CACNA2D1: variants seen among roughly 807,000 people sequenced by gnomAD.
CACNA2D1 encodes calcium voltage-gated channel auxiliary subunit alpha2delta 1.
CACNA2D1 carries 53 observed loss-of-function variants against 171.5 expected under a neutral mutation model. The ratio of observed to expected loss-of-function variants is 0.31; its 90% CI spans 0.25 to 0.39. The LOEUF (loss-of-function observed/expected upper bound fraction) is 0.39. Ranked by LOEUF, CACNA2D1 falls within the 10% of genes least tolerant of loss-of-function variation. CACNA2D1 has a pLI of 1.00. For missense variants in CACNA2D1, 903 were observed against 1,299.8 expected (o/e 0.69, Z 4.69); for synonymous variants, 442 against 443.1 (o/e 1.00, Z 0.03).
intron 34 of CACNA2D1, among the ~76,000 whole-genome samples, 178 bp from the exon 35 acceptor site, chr7:81,962,673 AG>A (rs1394211061): frequency 6.6e-6 from 1 of 151,974 alleles, no homozygotes; most frequent in Non-Finnish European, 1.5e-5. Flanking sequence ...AATGTGTAAA[AG>A]AAGTCATGAA....
intron 3 of CACNA2D1, among the ~76,000 whole-genome samples, chr7:82,276,969 A>C (rs1161196620): frequency 6.6e-6 from 1 of 151,770 alleles, no homozygotes; most frequent in Non-Finnish European, 1.5e-5. Flanking sequence ...GATGGTCTCG[A>C]TCTCTTGACC....
At chr7:82,255,164 T>C (rs1806151070) in intron 3 of CACNA2D1, among the ~76,000 whole-genome samples, 1 of 152,200 alleles carries the variant, frequency 6.6e-6, no homozygotes, top group Non-Finnish European at 1.5e-5. Context: ...CCTCACTTGC[T>C]AAACAAAAGT....
intron 1 of CACNA2D1, among the ~76,000 whole-genome samples, chr7:82,402,531 T>C (rs982133921): frequency 4.6e-5 from 7 of 151,482 alleles, no homozygotes; most frequent in Admixed American, 1.3e-4. Flanking sequence ...GCTAACATGG[T>C]GAAACCCCAT....
At chr7:82,015,250 CAATT>C (rs1800311145) in intron 12 of CACNA2D1, among the ~76,000 whole-genome samples, 3 of 152,104 alleles carry the variant, frequency 2.0e-5, no homozygotes, top group African/African-American at 7.2e-5. Context: ...TTGCTTAACA[CAATT>C]AAACTTTGTG....
chr7:81,968,377 A>T (rs1440662034), intron 29 of CACNA2D1, among the ~76,000 whole-genome samples: 1 of 151,418 alleles, frequency 6.6e-6, no homozygotes, highest in Non-Finnish European at 1.5e-5. Flanking sequence ...ATTTTTCCAA[A>T]AAGTCATTTT....
intron 3 of CACNA2D1, among the ~76,000 whole-genome samples, chr7:82,267,790 C>T (rs1400726286): frequency 1.3e-5 from 2 of 152,264 alleles, no homozygotes; most frequent in South Asian, 2.1e-4. Context: ...GTCAGGAGAT[C>T]AAGACCATCC....
At chr7:82,057,507 A>G (rs908631752) in intron 10 of CACNA2D1, among the ~76,000 whole-genome samples, 2 of 152,026 alleles carry the variant, frequency 1.3e-5, no homozygotes, top group African/African-American at 2.4e-5. Context: ...ATTTAACTAA[A>G]CCTAAATCTA....
At chr7:82,181,740 T>C (rs1797160218) in intron 3 of CACNA2D1, among the ~76,000 whole-genome samples, 1 of 152,204 alleles carries the variant, frequency 6.6e-6, no homozygotes, top group Non-Finnish European at 1.5e-5. Flanking sequence ...GAAACAGAAG[T>C]CACTGGAATG....
intron 12 of CACNA2D1, among the ~76,000 whole-genome samples, chr7:82,015,583 ATTT>A: frequency 6.6e-6 from 1 of 152,112 alleles, no homozygotes; most frequent in South Asian, 2.1e-4. Flanking sequence ...ATTTTTACTA[ATTT>A]AGTAATCTAA....
intron 3 of CACNA2D1, among the ~76,000 whole-genome samples, chr7:82,195,721 T>C (rs948392314): frequency 5.9e-5 from 9 of 151,772 alleles, no homozygotes; most frequent in African/African-American, 2.2e-4. Context: ...TTTCAACCCT[T>C]TCACAGCTTG....
intron 1 of CACNA2D1, among the ~76,000 whole-genome samples, chr7:82,397,556 C>G (rs1825874952): frequency 6.6e-6 from 1 of 152,022 alleles, no homozygotes; most frequent in African/African-American, 2.4e-5. Flanking sequence ...TGACAGAGTA[C>G]ACAAAACAGT....
chr7:82,064,009 G>C (rs922826227), intron 9 of CACNA2D1, among the ~76,000 whole-genome samples: 27 of 151,734 alleles, frequency 1.8e-4, no homozygotes, highest in Admixed American at 9.2e-4. Context: ...CAGGTGTGAA[G>C]CTACCATGCC....
intron 3 of CACNA2D1, among the ~76,000 whole-genome samples, chr7:82,275,493 ATCAG>A (rs1809202608): frequency 6.6e-6 from 1 of 152,120 alleles, no homozygotes; most frequent in African/African-American, 2.4e-5. Flanking sequence ...CGCTGATTCT[ATCAG>A]TCCCAAAAGC....
intron 25 of CACNA2D1, among the ~76,000 whole-genome samples, chr7:81,973,807 C>T (rs1009187055): frequency 1.3e-5 from 2 of 151,320 alleles, no homozygotes; most frequent in African/African-American, 2.4e-5. Flanking sequence ...ATTTAAAAGC[C>T]AAGAATCCAT....
chr7:82,254,008 T>C (rs1805978282), intron 3 of CACNA2D1, among the ~76,000 whole-genome samples: 1 of 152,154 alleles, frequency 6.6e-6, no homozygotes, highest in Non-Finnish European at 1.5e-5. Context: ...ATGCTACCAA[T>C]AGATTACTCA....
chr7:82,273,291 G>A (rs1808880538), intron 3 of CACNA2D1, among the ~76,000 whole-genome samples: 1 of 151,562 alleles, frequency 6.6e-6, no homozygotes, highest in African/African-American at 2.4e-5. Flanking sequence ...TTTATGCTAA[G>A]GAAATAAGAA....
At chr7:82,155,648 G>T (rs2129121127) in intron 4 of CACNA2D1, among the ~76,000 whole-genome samples, 1 of 152,206 alleles carries the variant, frequency 6.6e-6, no homozygotes, top group Admixed American at 6.5e-5. Context: ...ACAGAAAATT[G>T]GTTCATCAAA....
chr7:82,140,295 T>C (rs959481055), intron 4 of CACNA2D1, among the ~76,000 whole-genome samples: 3 of 152,208 alleles, frequency 2.0e-5, no homozygotes, highest in African/African-American at 7.2e-5. Context: ...TTATGTCCCA[T>C]ACCGTAAAAC....
At chr7:82,352,665 G>A (rs2129446266) in intron 1 of CACNA2D1, among the ~76,000 whole-genome samples, 1 of 152,242 alleles carries the variant, frequency 6.6e-6, no homozygotes, top group South Asian at 2.1e-4. Flanking sequence ...AAATGTTTGA[G>A]GAAGCAGAAG....
Sources: gnomAD v4.1 joint callset for allele counts (sites outside exome capture counted in the v4.1 genomes callset) on GRCh38, gnomAD v4.1.1 for gene constraint, MANE v1.5 for transcripts, NCBI Gene and HGNC (gene_info 2026-07-23, HGNC 2026-07-21) for gene names.